NUMB: variants seen among roughly 807,000 people sequenced by gnomAD.
The protein encoded by NUMB is protein numb homolog.
In NUMB, 29 loss-of-function variants were observed where a neutral mutation model predicts 59.7. That is an observed-to-expected ratio of 0.49 (90% confidence interval 0.36 to 0.66). The LOEUF (loss-of-function observed/expected upper bound fraction) is 0.66, where lower values mean the gene tolerates loss of function less well. Among genes scored for constraint, NUMB ranks in the 30% least tolerant of loss-of-function variants. The pLI, the probability that NUMB is intolerant of heterozygous loss-of-function variation, is 0.00. For synonymous variants in NUMB, 288 were observed against 288.2 expected (o/e 1.00, Z 0.01); for missense variants, 723 against 822.0 (o/e 0.88, Z 1.47).
intron 2 of NUMB, among the ~76,000 whole-genome samples, chr14:73,385,308 CTTTTTTT>C (rs1174960370): frequency 3.6e-5 from 4 of 112,296 alleles, no homozygotes; most frequent in Admixed American, 9.6e-5. Context: ...CCAGTTAATT[CTTTTTTT>C]TTTTTTTTTT....
rs183470337 is a variant in NUMB, at chr14:73,275,408, G to A, written c.*1170C>T. ...CACCAAAAGGGGGTTTGGGGGAAGA[G>A]GACACACACAAAGCTAATAAAACCA... On this transcript the variant is annotated 3_prime_UTR_variant, in exon 13 of 13. Transcript: ENST00000555238. The A allele has an allele frequency of 6.6e-6, 1 of 152,508 alleles. No individual in the cohort carries two copies. The highest frequency in any genetic ancestry group is 1.9e-4 in the East Asian group (1 of 5,164). 9.4% of individuals were successfully genotyped at this position (152,508 alleles called of 1,614,324 possible). A position where few individuals can be genotyped will look rare whatever the true frequency, so the allele number is the denominator to read the frequency against.
chr14:73,417,904 A>G (rs954431997), intron 1 of NUMB, among the ~76,000 whole-genome samples: 2 of 152,226 alleles, frequency 1.3e-5, no homozygotes, highest in Non-Finnish European at 2.9e-5. Context: ...CAGGAGTTCG[A>G]GACCAGCCTG....
At position 73,276,874 on chromosome 14, in the gene NUMB, G is replaced by C. The variant is rs546927890; in HGVS notation, c.1660C>G (p.Pro554Ala). 4 of 1,613,930 alleles carry C rather than the reference G, an allele frequency of 2.5e-6. No homozygotes were observed. Among genetic ancestry groups the C allele is most frequent in the Non-Finnish European group, 3.4e-6 (4 of 1,179,952 alleles). ...HPQAAHPHQS[P>A]SLVRQQTFPH... ...AATGTCTGCTGCCTGACCAGGCTGG[G>C]TGACTGATGGGGATGGGCAGCCTGA... The change falls in exon 13 of 13, where the codon CCC (proline) becomes GCC (alanine). Residue 554 changes from proline (P) to alanine (A), a missense_variant. Physicochemically the swap from Pro to Ala is conservative, Grantham distance 27 (BLOSUM62 -1). Coordinates refer to ENST00000555238, the MANE Select transcript of NUMB (RefSeq NM_001005743.2).
chr14:73,398,583 A>ATT (rs559445136), intron 2 of NUMB, among the ~76,000 whole-genome samples: 1 of 146,200 alleles, frequency 6.8e-6, no homozygotes, highest in Admixed American at 6.9e-5. Context: ...TTATTTGGGT[A>ATT]TTTTTTTTTT....
intron 2 of NUMB, among the ~76,000 whole-genome samples, chr14:73,407,995 AG>A (rs1172557316): frequency 1.3e-5 from 2 of 152,190 alleles, no homozygotes; most frequent in Non-Finnish European, 2.9e-5. Flanking sequence ...TGGGAGGCCG[AG>A]GCGGGCAGAT....
chr14:73,285,029 T>A (rs184866734), intron 9 of NUMB: 4 of 152,260 alleles, frequency 2.6e-5, no homozygotes, highest in Admixed American at 2.6e-4. Context: ...GTATTTTTAA[T>A]ACACACGAGG....
At position 73,276,740 on chromosome 14, in the gene NUMB, G is replaced by A; in HGVS notation, c.1794C>T (p.Ala598=). Residue 598 remains alanine, a synonymous_variant, in exon 13 of 13, where the codon GCC becomes GCT. Transcript: ENST00000555238. The part of the protein sequence containing the change: ...AFNGVDDGRL[A]SADRHTEVPT... ...GAACCTCTGTATGCCTGTCTGCTGA[G>A]GCCAACCTGCCATCATCTACACCAT... 1.9e-6 allele frequency: 3 copies of A among 1,613,978 alleles called. No homozygotes were observed. The highest frequency in any genetic ancestry group is 3.3e-4 in the Middle Eastern group (2 of 6,060).
chr14:73,337,633 A>G (rs1892405629), intron 4 of NUMB, among the ~76,000 whole-genome samples: 1 of 152,228 alleles, frequency 6.6e-6, no homozygotes, highest in South Asian at 2.1e-4. Flanking sequence ...GCTGTACCAC[A>G]AGCTCTGCCC....
At chr14:73,286,127 C>T (rs1295734893) in intron 9 of NUMB, 2 of 150,206 alleles carry the variant, frequency 1.3e-5, no homozygotes, top group Admixed American at 6.7e-5. Context: ...TGGGCTCCAG[C>T]AATCCTCTGG....
intron 3 of NUMB, among the ~76,000 whole-genome samples, chr14:73,364,081 A>C (rs112982484): frequency 6.6e-6 from 1 of 152,224 alleles, no homozygotes; most frequent in Non-Finnish European, 1.5e-5. Flanking sequence ...AAGGAGGAAA[A>C]CTATGTGATC....
At chr14:73,412,970 A>G (rs867793246) in intron 1 of NUMB, among the ~76,000 whole-genome samples, 10 of 152,252 alleles carry the variant, frequency 6.6e-5, no homozygotes, top group Middle Eastern at 6.8e-3. Flanking sequence ...ATAACTTCCA[A>G]GATCACAAAA....
chr14:73,346,767 A>C (rs1892943509), intron 4 of NUMB, among the ~76,000 whole-genome samples: 1 of 152,136 alleles, frequency 6.6e-6, no homozygotes, highest in Admixed American at 6.6e-5. Flanking sequence ...CCTTGAGAAA[A>C]TAAGTCTTCA....
chr14:73,389,290 A>AC (rs1443876877), intron 2 of NUMB, among the ~76,000 whole-genome samples: 4 of 88,486 alleles, frequency 4.5e-5, no homozygotes, highest in Non-Finnish European at 7.5e-5. Context: ...AAAAAAAAAA[A>AC]AAACAAAAAC....
At chr14:73,443,662 A>G (rs114862935) in intron 1 of NUMB, among the ~76,000 whole-genome samples, 4,950 of 150,948 alleles carry the variant, frequency 0.033, 310 homozygotes, top group African/African-American at 0.11. Context: ...TGATTCATTC[A>G]TTCATTGAGC....
In NUMB at chr14:73,275,443, T is replaced by TC. The variant is rs1360114696; in HGVS notation, c.*1134dup. On this transcript the variant is annotated 3_prime_UTR_variant, in exon 13 of 13. Coordinates refer to ENST00000555238, the MANE Select transcript of NUMB (RefSeq NM_001005743.2). ...AAAGCTAATAAAACCAGAATCCCCA[T>TC]CCCCACAAAACTCATGGGAACAAAA... The TC allele has an allele frequency of 6.6e-6, 1 of 152,030 alleles. No individual in the cohort carries two copies. The highest frequency in any genetic ancestry group is 2.4e-5 in the African/African-American group (1 of 41,258). The allele number at this position is 152,030 out of a possible 1,614,324, so 9.4% of individuals were successfully genotyped here.
At chr14:73,319,233 A>T (rs1891263942) in intron 5 of NUMB, among the ~76,000 whole-genome samples, 1 of 152,250 alleles carries the variant, frequency 6.6e-6, no homozygotes, top group Non-Finnish European at 1.5e-5. Flanking sequence ...ACTGCACTCC[A>T]GCCTGGGTGA....
At chr14:73,330,742 G>GTCA in intron 4 of NUMB, among the ~76,000 whole-genome samples, 1 of 151,780 alleles carries the variant, frequency 6.6e-6, no homozygotes. Flanking sequence ...TCTACTGTTA[G>GTCA]GGTTTTCCAG....
At chr14:73,439,583 T>C (rs1308330313) in intron 1 of NUMB, among the ~76,000 whole-genome samples, 1 of 152,326 alleles carries the variant, frequency 6.6e-6, no homozygotes, top group African/African-American at 2.4e-5. Context: ...TCAAGGTTAA[T>C]ACAATCTTTA....
At chr14:73,420,589 G>A (rs770286708) in intron 1 of NUMB, among the ~76,000 whole-genome samples, 4 of 152,138 alleles carry the variant, frequency 2.6e-5, no homozygotes, top group East Asian at 1.9e-4. Flanking sequence ...GGATGCCAAC[G>A]CACGCGGATT....
Sources: allele counts gnomAD v4.1 joint callset (sites outside exome capture counted in the v4.1 genomes callset), GRCh38; gene constraint gnomAD v4.1.1; transcripts MANE v1.5; gene names NCBI Gene and HGNC (gene_info 2026-07-23, HGNC 2026-07-21).